SCN2A: variants seen among roughly 807,000 people sequenced by gnomAD.
SCN2A encodes sodium voltage-gated channel alpha subunit 2, also known as sodium channel protein type 2 subunit alpha.
Under a neutral mutation model 188.7 loss-of-function variants are expected in SCN2A, and 20 were observed. That is an observed-to-expected ratio of 0.11 (90% CI 0.07 to 0.15). The LOEUF is 0.15. SCN2A is among the 10% of genes least tolerant of loss of function. The pLI is 1.00. For synonymous variants in SCN2A, 804 were observed against 833.1 expected, an observed-to-expected ratio of 0.97 and a Z score of 0.60; for missense variants, 1,278 against 2,445.0, an observed-to-expected ratio of 0.52 and a Z score of 10.07.
intron 22 of SCN2A, among the ~76,000 whole-genome samples, chr2:165,376,217 A>T (rs2043254): frequency 0.43 from 64,539 of 151,606 alleles, 13,986 homozygotes; most frequent in East Asian, 0.54. Flanking sequence ...AATAAGTATA[A>T]GAAGCGATAA....
intron 1 of SCN2A, chr2:165,294,182 C>T (rs1232465743): frequency 1.2e-6 from 1 of 845,984 alleles, no homozygotes; most frequent in Non-Finnish European, 1.4e-6. Context: ...TGATGCTTCT[C>T]TACCTTTACA....
chr2:165,259,089 A>T (rs1036106824), intron 1 of SCN2A, among the ~76,000 whole-genome samples: 11 of 152,212 alleles, frequency 7.2e-5, no homozygotes, highest in Non-Finnish European at 1.2e-4. Context: ...AATAAAATTT[A>T]AAAAAAGACC....
At chr2:165,369,135 G>C (rs1237477837) in intron 19 of SCN2A, among the ~76,000 whole-genome samples, 1 of 152,014 alleles carries the variant, frequency 6.6e-6, no homozygotes, top group East Asian at 1.9e-4. Flanking sequence ...TGCCATCTTG[G>C]CCAGGCTGGT....
At chr2:165,342,799 C>T (rs1344630473) in intron 15 of SCN2A, among the ~76,000 whole-genome samples, 1 of 152,284 alleles carries the variant, frequency 6.6e-6, no homozygotes, top group Middle Eastern at 3.4e-3. Flanking sequence ...TAACTGCGTA[C>T]AAAGCTTCCT....
At chr2:165,275,532 T>C (rs2106111997) in intron 1 of SCN2A, among the ~76,000 whole-genome samples, 1 of 152,330 alleles carries the variant, frequency 6.6e-6, no homozygotes, top group East Asian at 1.9e-4. Flanking sequence ...CCCAAGCATC[T>C]GGAAGAAGAC....
At chr2:165,365,443 T>TC (rs1386552598) in intron 18 of SCN2A, among the ~76,000 whole-genome samples, 180 bp downstream of exon 18, 1 of 151,926 alleles carries the variant, frequency 6.6e-6, no homozygotes, top group Admixed American at 6.6e-5. Flanking sequence ...TTATTTGTTT[T>TC]TTTTTGCATT....
At chr2:165,346,881 A>G (rs1478996567) in intron 16 of SCN2A, among the ~76,000 whole-genome samples, 1 of 152,232 alleles carries the variant, frequency 6.6e-6, no homozygotes, top group Non-Finnish European at 1.5e-5. Context: ...GCAAATCAAA[A>G]CCACAATGAG....
At chr2:165,388,513 A>G (rs1701987654) in intron 26 of SCN2A, 116 bp from the exon 27 acceptor site, 5 of 1,371,370 alleles carry the variant, frequency 3.6e-6, no homozygotes, top group Non-Finnish European at 5.1e-6. Context: ...TTATTTGCAT[A>G]TATACATGTA....
chr2:165,375,480 A>G (rs1038384955), intron 22 of SCN2A, among the ~76,000 whole-genome samples: 2 of 151,950 alleles, frequency 1.3e-5, no homozygotes, highest in African/African-American at 4.8e-5. Context: ...ATCTATACAC[A>G]TATATAGACA....
intron 1 of SCN2A, among the ~76,000 whole-genome samples, chr2:165,291,495 C>CT (rs1218839923): frequency 0.098 from 4,272 of 43,684 alleles, 222 homozygotes; most frequent in Middle Eastern, 0.11. Flanking sequence ...TCTTTCTTTT[C>CT]TTTCTTTCTT....
chr2:165,261,832 A>T (rs1231155901), intron 1 of SCN2A, among the ~76,000 whole-genome samples: 1 of 152,240 alleles, frequency 6.6e-6, no homozygotes, highest in East Asian at 1.9e-4. Context: ...TTGATTTGCA[A>T]TAAAGAGTAT....
At chr2:165,317,970 C>T (rs1243272927) in intron 11 of SCN2A, among the ~76,000 whole-genome samples, 1 of 151,998 alleles carries the variant, frequency 6.6e-6, no homozygotes, top group African/African-American at 2.4e-5. Context: ...AGAGGAGAGA[C>T]AGAAAACCCT....
intron 13 of SCN2A, chr2:165,328,566 G>T: frequency 1.1e-6 from 1 of 924,642 alleles, no homozygotes; most frequent in East Asian, 1.2e-4. Flanking sequence ...GTCATGCTTT[G>T]CACTTCTGAT....
In SCN2A at chr2:165,295,970, C is replaced by T. The variant is rs1182973696; in HGVS notation, c.147C>T (p.Gly49=). The T allele has an allele frequency of 1.9e-6, 3 of 1,613,952 alleles. No homozygotes were observed. Among genetic ancestry groups the T allele is most frequent in the Admixed American group, 1.7e-5 (1 of 59,974 alleles). Residue 49 remains glycine (G), a synonymous_variant, in exon 2 of 27, where the codon GGC becomes GGT. Transcript: ENST00000375437. ...GCAAGGATGAGGATGATGAAAATGGCCCAAAGCCAAACAGTGACTTGGAAG... is the reference window on the plus strand; with the variant it reads ...GCAAGGATGAGGATGATGAAAATGGTCCAAAGCCAAACAGTGACTTGGAAG... ...QERKDEDDEN[G]PKPNSDLEAG...
chr2:165,356,135 T>C (rs1343908962), intron 17 of SCN2A, among the ~76,000 whole-genome samples: 1 of 152,174 alleles, frequency 6.6e-6, no homozygotes. Context: ...TAGGTAGAAG[T>C]AGATGTTTAA....
In SCN2A at chr2:165,284,169, T is replaced by A. The variant is rs566181972; in HGVS notation, c.-51-11604T>A. Among the ~76,000 whole-genome samples, 272 of 152,094 alleles carry A rather than the reference T, an allele frequency of 1.8e-3. 2 individuals carry two copies. Among genetic ancestry groups the A allele is most frequent in the South Asian group, 0.017 (81 of 4,820 alleles). ...AGCATTGTTTTATTATTATTTAATT[T>A]ATTTATTTATTTATTTTTTGAGACA... On this transcript the variant is annotated intron_variant, in intron 1 of 26. Coordinates refer to ENST00000375437, the MANE Select transcript of SCN2A (RefSeq NM_001040142.2).
intron 20 of SCN2A, chr2:165,370,563 TAAAA>T: frequency 2.6e-6 from 1 of 384,390 alleles, no homozygotes. Flanking sequence ...TTATGCAAAA[TAAAA>T]TATGAATTTA....
chr2:165,333,823 A>C (rs777143), intron 14 of SCN2A, among the ~76,000 whole-genome samples: 149,489 of 150,908 alleles, frequency 0.99, 74,057 homozygotes, highest in Middle Eastern at 1. Flanking sequence ...AATCAATAAA[A>C]CCAAAAGTTA....
chr2:165,291,494 T>TTTCTTTC (rs1559340326), intron 1 of SCN2A, among the ~76,000 whole-genome samples: 3,356 of 36,604 alleles, frequency 0.092, 379 homozygotes, highest in Middle Eastern at 0.18. Context: ...TTCTTTCTTT[T>TTTCTTTC]CTTTCTTTCT....
Sources: gnomAD v4.1 joint callset for allele counts (sites outside exome capture counted in the v4.1 genomes callset) on GRCh38, gnomAD v4.1.1 for gene constraint, MANE v1.5 for transcripts, NCBI Gene and HGNC (gene_info 2026-07-23, HGNC 2026-07-21) for gene names.